The following LCLAT1 variants were observed in gnomAD, a reference collection of about 807,000 sequenced individuals.
The protein encoded by LCLAT1 is 1-AGP acyltransferase 8.
In LCLAT1, 11 loss-of-function variants were observed where a neutral mutation model predicts 30.7. That is an observed-to-expected ratio of 0.36 (90% CI 0.23 to 0.59). The LOEUF is 0.59. LCLAT1 is among the 20% of genes least tolerant of loss of function. LCLAT1 has a pLI of 0.77. For synonymous variants in LCLAT1, 155 were observed against 151.3 expected (o/e 1.02, Z -0.18); for missense variants, 402 against 458.6 (o/e 0.88, Z 1.13).
At chr2:30,636,740 T>G (rs1669047322) in intron 5 of LCLAT1, among the ~76,000 whole-genome samples, 1 of 152,232 alleles carries the variant, frequency 6.6e-6, no homozygotes, top group Non-Finnish European at 1.5e-5. Context: ...GAAAAGGGCA[T>G]TCTTCTCACC....
chr2:30,476,057 C>T (rs1010304104), intron 1 of LCLAT1, among the ~76,000 whole-genome samples: 3 of 152,150 alleles, frequency 2.0e-5, no homozygotes, highest in Non-Finnish European at 2.9e-5. Context: ...TAAGCACTGT[C>T]CTGGGGCATT....
intron 5 of LCLAT1, among the ~76,000 whole-genome samples, chr2:30,597,548 G>A (rs1274428364): frequency 6.6e-6 from 1 of 152,158 alleles, no homozygotes; most frequent in Non-Finnish European, 1.5e-5. Flanking sequence ...TTTGGGCTGA[G>A]GCAGTGGGAT....
At chr2:30,528,303 C>T (rs374716829) in intron 2 of LCLAT1, among the ~76,000 whole-genome samples, 1 of 152,306 alleles carries the variant, frequency 6.6e-6, no homozygotes, top group South Asian at 2.1e-4. Flanking sequence ...AGTTACCAAA[C>T]AAATTCTGCA....
At chr2:30,447,884 T>G (rs1193889436) in intron 1 of LCLAT1, among the ~76,000 whole-genome samples, 1 of 152,166 alleles carries the variant, frequency 6.6e-6, no homozygotes, top group African/African-American at 2.4e-5. Context: ...TTGTCTTCCC[T>G]GCGAGTCCTG....
At chr2:30,484,487 TCA>T (rs1209242424) in intron 1 of LCLAT1, among the ~76,000 whole-genome samples, 1 of 152,164 alleles carries the variant, frequency 6.6e-6, no homozygotes, top group African/African-American at 2.4e-5. Flanking sequence ...GGGGGTTTTC[TCA>T]GTTTCATTAT....
rs980638041 is a variant in LCLAT1, at chr2:30,482,831, C to T, written c.-5+35448C>T. The stretch of plus-strand genomic sequence containing the variant: ...ACCTAAGGACAAGCAGTTTGGATTA[C>T]AGGAAATTGTTTAGTAGTATGGTTA... On this transcript the variant is annotated intron_variant, in intron 1 of 5. Coordinates refer to ENST00000379509, the MANE Select transcript of LCLAT1 (RefSeq NM_001002257.3). 6.6e-5 allele frequency among the ~76,000 whole-genome samples: 10 copies of T among 150,380 alleles called. No homozygotes were observed. The East Asian group carries it at 2.0e-3, about 29-fold the overall frequency.
At chr2:30,468,114 G>T (rs892983958) in intron 1 of LCLAT1, among the ~76,000 whole-genome samples, 2 of 152,318 alleles carry the variant, frequency 1.3e-5, no homozygotes, top group African/African-American at 4.8e-5. Flanking sequence ...ATTAATTTTT[G>T]TATAAGGTGT....
At chr2:30,555,476 AT>A (rs1664872300) in intron 3 of LCLAT1, among the ~76,000 whole-genome samples, 2 of 152,190 alleles carry the variant, frequency 1.3e-5, no homozygotes, top group African/African-American at 4.8e-5. Context: ...AGTTATAATA[AT>A]ACAGTAATTA....
At chr2:30,480,339 C>T (rs942147767) in intron 1 of LCLAT1, among the ~76,000 whole-genome samples, 4 of 152,038 alleles carry the variant, frequency 2.6e-5, no homozygotes, top group Admixed American at 6.6e-5. Flanking sequence ...TACAGGTGTA[C>T]ACCACCATGC....
intron 1 of LCLAT1, among the ~76,000 whole-genome samples, chr2:30,468,299 G>GTC (rs755539577): frequency 3.9e-5 from 6 of 152,048 alleles, no homozygotes; most frequent in Admixed American, 6.5e-5. Context: ...TGTTCCATTG[G>GTC]TCTCTCTCTC....
chr2:30,562,434 G>T (rs149270619), intron 4 of LCLAT1, 142 bp downstream of exon 4: 193 of 585,698 alleles, frequency 3.3e-4, no homozygotes, highest in African/African-American at 2.9e-3. Context: ...TACTCAGGAG[G>T]CTGAGACTGG....
intron 5 of LCLAT1, among the ~76,000 whole-genome samples, chr2:30,594,116 G>A (rs1443974962): frequency 6.6e-6 from 1 of 151,882 alleles, no homozygotes; most frequent in Admixed American, 6.6e-5. Flanking sequence ...TGTGCTAGGA[G>A]CCTTTTCTTT....
intron 5 of LCLAT1, among the ~76,000 whole-genome samples, chr2:30,602,848 T>C (rs1470834091): frequency 6.6e-6 from 1 of 152,166 alleles, no homozygotes; most frequent in Non-Finnish European, 1.5e-5. Context: ...TCCCTGTCTT[T>C]TGGTTGAATA....
At chr2:30,456,671 T>C (rs1418854772) in intron 1 of LCLAT1, among the ~76,000 whole-genome samples, 2 of 152,130 alleles carry the variant, frequency 1.3e-5, no homozygotes, top group African/African-American at 2.4e-5. Flanking sequence ...TTTGTTTTTG[T>C]TTTTAAGCTG....
intron 5 of LCLAT1, among the ~76,000 whole-genome samples, chr2:30,588,364 G>C (rs541821734): frequency 6.6e-6 from 1 of 152,154 alleles, no homozygotes; most frequent in Admixed American, 6.5e-5. Flanking sequence ...ACCAGTTTCT[G>C]CTCATGTGGC....
At chr2:30,579,959 A>G (rs10186917) in intron 5 of LCLAT1, among the ~76,000 whole-genome samples, 19,393 of 152,108 alleles carry the variant, frequency 0.13, 1,360 homozygotes, top group South Asian at 0.23. Flanking sequence ...CCAAAATAGT[A>G]TCTTATTTTG....
intron 3 of LCLAT1, among the ~76,000 whole-genome samples, chr2:30,549,822 T>C (rs1558512695): frequency 6.6e-6 from 1 of 152,226 alleles, no homozygotes; most frequent in Non-Finnish European, 1.5e-5. Context: ...AAATATGGCT[T>C]TTCTCCATTT....
chr2:30,480,031 T>C (rs1393614705), intron 1 of LCLAT1, among the ~76,000 whole-genome samples: 1 of 152,200 alleles, frequency 6.6e-6, no homozygotes, highest in Non-Finnish European at 1.5e-5. Flanking sequence ...CATTACATCA[T>C]AGAGATAAAC....
intron 1 of LCLAT1, among the ~76,000 whole-genome samples, chr2:30,471,273 G>T (rs1682771956): frequency 6.6e-6 from 1 of 151,558 alleles, no homozygotes; most frequent in Non-Finnish European, 1.5e-5. Context: ...GCAGTGGTGT[G>T]ATCTCAGCTC....
Sources: gnomAD v4.1 joint callset for allele counts (sites outside exome capture counted in the v4.1 genomes callset) on GRCh38, gnomAD v4.1.1 for gene constraint, MANE v1.5 for transcripts, NCBI Gene and HGNC (gene_info 2026-07-23, HGNC 2026-07-21) for gene names.